The following SYNJ1 variants were observed in gnomAD, a reference collection of about 807,000 sequenced individuals.
SYNJ1 encodes synaptojanin 1.
In SYNJ1, 78 loss-of-function variants were observed where a neutral mutation model predicts 168.2. The observed-to-expected ratio is 0.46, with a 90% CI of 0.39 to 0.56. The LOEUF (loss-of-function observed/expected upper bound fraction) is 0.56. SYNJ1 is among the 20% of genes least tolerant of loss of function. The probability of loss-of-function intolerance (pLI) is 0.00; values close to 1 mark genes in which losing one functional copy is unlikely to be tolerated. For synonymous variants in SYNJ1, 539 were observed against 548.6 expected, an observed-to-expected ratio of 0.98 and a Z score of 0.24; for missense variants, 1,303 against 1,597.6, an observed-to-expected ratio of 0.82 and a Z score of 3.14.
intron 9 of SYNJ1, among the ~76,000 whole-genome samples, chr21:32,684,354 TATTTTTAATTAGGCCAACA>T (rs1406146786): frequency 6.6e-6 from 1 of 152,216 alleles, no homozygotes; most frequent in Non-Finnish European, 1.5e-5. Context: ...ATCACACACT[TATTTTTAATTAGGCCAACA>T]ATTAGAAACT....
At chr21:32,654,248 T>A (rs1024567629) in intron 21 of SYNJ1, 1 of 152,142 alleles carries the variant, frequency 6.6e-6, no homozygotes, top group Non-Finnish European at 1.5e-5. Flanking sequence ...GTATGAATTA[T>A]GAATATTAAG....
intron 29 of SYNJ1, 66 bp downstream of exon 29, chr21:32,641,830 A>C (rs1817564957): frequency 1.6e-6 from 2 of 1,249,910 alleles, no homozygotes; most frequent in African/African-American, 1.5e-5. Context: ...CAAGGTAACA[A>C]AACTGACTAG....
chr21:32,666,966 G>A (rs1390147793), intron 15 of SYNJ1, among the ~76,000 whole-genome samples: 1 of 152,114 alleles, frequency 6.6e-6, no homozygotes, highest in Admixed American at 6.5e-5. Flanking sequence ...ATAAAATGGA[G>A]TAATACTTGC....
chr21:32,719,033 A>T (rs962973909), intron 2 of SYNJ1, among the ~76,000 whole-genome samples: 13 of 152,264 alleles, frequency 8.5e-5, no homozygotes, highest in African/African-American at 3.1e-4. Flanking sequence ...GGACTATGTC[A>T]TTGGGGCAGT....
At chr21:32,696,389 A>G (rs1264686903) in intron 4 of SYNJ1, among the ~76,000 whole-genome samples, 1 of 152,184 alleles carries the variant, frequency 6.6e-6, no homozygotes, top group African/African-American at 2.4e-5. Flanking sequence ...TGATACAGAT[A>G]AAAGCTGCTA....
At chr21:32,645,976 A>G in intron 24 of SYNJ1, 187 bp from the exon 25 acceptor site, 1 of 917,406 alleles carries the variant, frequency 1.1e-6, no homozygotes, top group South Asian at 1.3e-5. Context: ...CATGGCAGCA[A>G]TAATGCTACC....
intron 2 of SYNJ1, among the ~76,000 whole-genome samples, chr21:32,712,721 A>G (rs1041407561): frequency 7.2e-5 from 11 of 152,258 alleles, no homozygotes; most frequent in African/African-American, 2.4e-4. Context: ...TATAAATTAT[A>G]GTAAGTACTA....
At chr21:32,639,557 A>T in intron 30 of SYNJ1, 114 bp downstream of exon 30, 1 of 800,384 alleles carries the variant, frequency 1.2e-6, no homozygotes, top group African/African-American at 1.7e-5. Flanking sequence ...ACCCCTGGCT[A>T]ATTTTAAGAG....
chr21:32,631,506 T>C lies in SYNJ1; in HGVS notation c.*299A>G. Reference sequence around the variant, plus strand: ...AGCAGCAGTCCTGTCACTGAAAGGATTTGTCCTGGTCAAGCCAGTAATAAA... The same window carrying C: ...AGCAGCAGTCCTGTCACTGAAAGGACTTGTCCTGGTCAAGCCAGTAATAAA... On this transcript the variant is annotated 3_prime_UTR_variant, in exon 33 of 33. Transcript: ENST00000674351. 1 of 1,614,062 alleles carries C rather than the reference T, an allele frequency of 6.2e-7. No individual in the cohort carries two copies. The highest frequency in any genetic ancestry group is 1.1e-5 in the South Asian group (1 of 91,064).
Position 32,650,098 on chromosome 21 carries a change from A to C in SYNJ1, c.3037+86T>G, listed in dbSNP as rs1017719407. Reference sequence around the variant, plus strand: ...CTATGTACGTCCCAAGAAGAAGAAGAAAGATGAACTTGGAAAATAAGACTT... The same window carrying C: ...CTATGTACGTCCCAAGAAGAAGAAGCAAGATGAACTTGGAAAATAAGACTT... On this transcript the variant is annotated intron_variant, in intron 23 of 32. Coordinates refer to ENST00000674351, the MANE Select transcript of SYNJ1 (RefSeq NM_203446.3). 6 of 1,468,208 alleles carry C rather than the reference A, an allele frequency of 4.1e-6. No individual in the cohort carries two copies. In the African/African-American group the frequency reaches 7.2e-5, roughly 18 times the overall value. The allele number at this position is 1,468,208 out of a possible 1,614,324, so 90.9% of individuals were successfully genotyped here.
At chr21:32,713,775 CAT>C (rs2042925549) in intron 2 of SYNJ1, among the ~76,000 whole-genome samples, 1 of 151,622 alleles carries the variant, frequency 6.6e-6, no homozygotes, top group African/African-American at 2.4e-5. Context: ...GATGATTTCC[CAT>C]ATGTCAACAT....
At chr21:32,670,179 C>G in intron 15 of SYNJ1, 109 bp downstream of exon 15, 1 of 831,682 alleles carries the variant, frequency 1.2e-6, no homozygotes, top group South Asian at 1.9e-5. Context: ...TTACGAGCAC[C>G]CTTCCATTTA....
At chr21:32,706,994 A>T (rs958823947) in intron 2 of SYNJ1, among the ~76,000 whole-genome samples, 1 of 152,156 alleles carries the variant, frequency 6.6e-6, no homozygotes, top group Non-Finnish European at 1.5e-5. Flanking sequence ...TTCCCTTAAT[A>T]ATCTCCCTTG....
Position 32,646,394 on chromosome 21 carries a change from C to T in SYNJ1, c.3246G>A (p.Gln1082=). 1.1e-5 allele frequency: 17 copies of T among 1,613,902 alleles called. No homozygotes were observed. The highest frequency in any genetic ancestry group is 1.4e-5 in the Non-Finnish European group (16 of 1,179,846). The change falls in exon 24 of 33, where the codon CAG becomes CAA. Residue 1082 remains glutamine, a splice_region_variant and synonymous_variant. Coordinates refer to ENST00000674351, the MANE Select transcript of SYNJ1 (RefSeq NM_203446.3). ...AAAACTTTCAAATAAAATGCATACT[C>T]TGTGCACTGGGAGGCCCAGGAGTTC... ...PSRTPGPPSA[Q]SSPIDAQPAT... is the part of the protein sequence containing the mutation.
At chr21:32,722,202 AAAAATAT>A (rs1220191577) in intron 2 of SYNJ1, among the ~76,000 whole-genome samples, 3,588 of 94,194 alleles carry the variant, frequency 0.038, 65 homozygotes, top group African/African-American at 0.086. Context: ...AAAAAAAAAA[AAAAATAT>A]ATATATATAT....
intron 2 of SYNJ1, among the ~76,000 whole-genome samples, chr21:32,724,142 G>C (rs1346610068): frequency 6.6e-6 from 1 of 152,144 alleles, no homozygotes; most frequent in African/African-American, 2.4e-5. Context: ...AGGTTGAGGA[G>C]TACAAACTTA....
chr21:32,686,973 C>A lies in SYNJ1; in HGVS notation c.948+5G>T. On this transcript the variant is annotated splice_donor_5th_base_variant and intron_variant, in intron 8 of 32. Coordinates refer to ENST00000674351, the MANE Select transcript of SYNJ1 (RefSeq NM_203446.3). ...CAGAATGAAATAAGAAATGACCATA[C>A]TTACCTGGAAAGCTTTACTTAGCAT... 6.6e-7 allele frequency: 1 copy of A among 1,520,920 alleles called. No homozygotes were observed. Among genetic ancestry groups the A allele is most frequent in the Non-Finnish European group, 8.8e-7 (1 of 1,133,066 alleles). The allele number at this position is 1,520,920 out of a possible 1,614,324, so 94.2% of individuals were successfully genotyped here.
chr21:32,725,895 C>T (rs1944882645), intron 2 of SYNJ1, among the ~76,000 whole-genome samples: 1 of 152,130 alleles, frequency 6.6e-6, no homozygotes, highest in Admixed American at 6.5e-5. Flanking sequence ...AGCTGGAGCG[C>T]AGTGGCGAGA....
intron 26 of SYNJ1, among the ~76,000 whole-genome samples, chr21:32,643,846 C>T (rs369688082): frequency 2.0e-5 from 3 of 152,122 alleles, no homozygotes; most frequent in African/African-American, 7.2e-5. Context: ...TATGAGACTA[C>T]GTAAGTCTTT....
Sources: gnomAD v4.1 joint callset for allele counts (sites outside exome capture counted in the v4.1 genomes callset) on GRCh38, gnomAD v4.1.1 for gene constraint, MANE v1.5 for transcripts, NCBI Gene and HGNC (gene_info 2026-07-23, HGNC 2026-07-21) for gene names.